The following SNTG1 variants were observed in gnomAD, a reference collection of about 807,000 sequenced individuals.
The protein encoded by SNTG1 is gamma-1-syntrophin.
SNTG1 carries 39 observed loss-of-function variants against 74.7 expected under a neutral mutation model. The observed-to-expected ratio is 0.52, with a 90% CI of 0.40 to 0.68. The LOEUF (loss-of-function observed/expected upper bound fraction) is 0.68. Ranked by LOEUF, SNTG1 falls within the 30% of genes least tolerant of loss-of-function variation. The probability of loss-of-function intolerance (pLI) is 0.00; values close to 1 mark genes in which losing one functional copy is unlikely to be tolerated. For missense variants in SNTG1, 685 were observed against 609.5 expected, an observed-to-expected ratio of 1.12 and a Z score of -1.30; for synonymous variants, 254 against 217.1, an observed-to-expected ratio of 1.17 and a Z score of -1.49.
intron 15 of SNTG1, among the ~76,000 whole-genome samples, chr8:50,683,618 G>T (rs975736010): frequency 6.6e-6 from 1 of 152,146 alleles, no homozygotes; most frequent in Non-Finnish European, 1.5e-5. Context: ...GTATACTAGG[G>T]TATATAAATA....
intron 1 of SNTG1, among the ~76,000 whole-genome samples, chr8:50,072,733 C>G (rs1821480015): frequency 1.3e-5 from 2 of 152,284 alleles, no homozygotes; most frequent in South Asian, 4.1e-4. Context: ...TTAATACAGG[C>G]ATACCTCAGG....
intron 1 of SNTG1, among the ~76,000 whole-genome samples, chr8:50,158,671 C>T (rs938245991): frequency 6.6e-6 from 1 of 152,044 alleles, no homozygotes; most frequent in African/African-American, 2.4e-5. Context: ...TGTAATCAAC[C>T]TTCCATTGCA....
intron 17 of SNTG1, among the ~76,000 whole-genome samples, chr8:50,749,448 GATAA>G (rs1299944864): frequency 6.6e-6 from 1 of 152,022 alleles, no homozygotes; most frequent in African/African-American, 2.4e-5. Flanking sequence ...TAAGATCATT[GATAA>G]AGGTGGCTAC....
chr8:50,545,048 G>A (rs984654073), intron 11 of SNTG1, among the ~76,000 whole-genome samples: 3 of 151,866 alleles, frequency 2.0e-5, no homozygotes, highest in African/African-American at 7.3e-5. Flanking sequence ...TGACTATTAT[G>A]TATAGTGCTG....
chr8:50,686,565 A>T (rs963794095), intron 15 of SNTG1, among the ~76,000 whole-genome samples: 1 of 152,128 alleles, frequency 6.6e-6, no homozygotes, highest in African/African-American at 2.4e-5. Flanking sequence ...ATTAATTTGT[A>T]TATATGAATA....
At chr8:50,094,294 C>T (rs1192210059) in intron 1 of SNTG1, among the ~76,000 whole-genome samples, 5 of 151,958 alleles carry the variant, frequency 3.3e-5, no homozygotes, top group Non-Finnish European at 7.4e-5. Context: ...AACAGGAAGG[C>T]TTACTTATTT....
intron 2 of SNTG1, among the ~76,000 whole-genome samples, chr8:50,297,583 C>T (rs1256743381): frequency 6.6e-6 from 1 of 152,080 alleles, no homozygotes; most frequent in African/African-American, 2.4e-5. Flanking sequence ...TTCAACAGTC[C>T]AGATGGCCCC....
chr8:50,081,342 G>A (rs1046182567), intron 1 of SNTG1, among the ~76,000 whole-genome samples: 1 of 152,088 alleles, frequency 6.6e-6, no homozygotes, highest in Admixed American at 6.5e-5. Context: ...CCTTTACCAA[G>A]TTTACTCACT....
At chr8:50,033,329 G>A (rs1312894519) in intron 1 of SNTG1, among the ~76,000 whole-genome samples, 2 of 152,144 alleles carry the variant, frequency 1.3e-5, no homozygotes, top group Non-Finnish European at 2.9e-5. Context: ...TCTCCATGTT[G>A]GTCAGGCTGG....
chr8:50,109,548 T>TATG (rs1422718008), intron 1 of SNTG1, among the ~76,000 whole-genome samples: 1 of 152,182 alleles, frequency 6.6e-6, no homozygotes, highest in Non-Finnish European at 1.5e-5. Context: ...CAAATGTTCA[T>TATG]ATGATATTAG....
At chr8:50,535,353 T>G (rs76720907) in intron 10 of SNTG1, among the ~76,000 whole-genome samples, 1 of 152,158 alleles carries the variant, frequency 6.6e-6, no homozygotes, top group East Asian at 1.9e-4. Flanking sequence ...TGATCCCATG[T>G]CATATGCTGA....
chr8:50,299,304 C>T (rs1004374046), intron 2 of SNTG1, among the ~76,000 whole-genome samples: 3 of 152,092 alleles, frequency 2.0e-5, no homozygotes, highest in Non-Finnish European at 4.4e-5. Flanking sequence ...ACCCTCCTGT[C>T]TCCTCTTTCT....
intron 16 of SNTG1, chr8:50,708,368 C>T (rs990923959): frequency 6.5e-6 from 1 of 153,630 alleles, no homozygotes; most frequent in Admixed American, 6.5e-5. Flanking sequence ...CAGAGTAAGA[C>T]TGTTAAGATC....
At chr8:50,695,763 G>T (rs545550663) in intron 15 of SNTG1, among the ~76,000 whole-genome samples, 28 of 151,542 alleles carry the variant, frequency 1.8e-4, no homozygotes, top group Non-Finnish European at 2.4e-4. Context: ...TAGGATAACG[G>T]CCTCCAGTTC....
chr8:50,225,073 C>G (rs1490885814), intron 2 of SNTG1, among the ~76,000 whole-genome samples: 1 of 152,060 alleles, frequency 6.6e-6, no homozygotes, highest in Non-Finnish European at 1.5e-5. Context: ...TGGGTTCACG[C>G]CATTCCCCTG....
intron 1 of SNTG1, among the ~76,000 whole-genome samples, chr8:50,104,089 G>A (rs537926893): frequency 6.6e-6 from 1 of 152,146 alleles, no homozygotes; most frequent in Non-Finnish European, 1.5e-5. Context: ...ATGAGTTAGG[G>A]AGGAGTCCCC....
intron 17 of SNTG1, among the ~76,000 whole-genome samples, chr8:50,727,339 ATC>A (rs1253445106): frequency 6.6e-6 from 1 of 152,190 alleles, no homozygotes; most frequent in Admixed American, 6.5e-5. Context: ...ATCAATTTTA[ATC>A]TCTATACAAG....
chr8:50,170,747 C>G (rs1429131093), intron 1 of SNTG1, among the ~76,000 whole-genome samples: 1 of 152,132 alleles, frequency 6.6e-6, no homozygotes, highest in Non-Finnish European at 1.5e-5. Flanking sequence ...GGGGTTCTAC[C>G]AAGCTTGTGT....
At chr8:49,945,095 T>A (rs532786939) in intron 1 of SNTG1, among the ~76,000 whole-genome samples, 3 of 152,336 alleles carry the variant, frequency 2.0e-5, no homozygotes, top group Non-Finnish European at 4.4e-5. Flanking sequence ...GCCATGTAAT[T>A]TTCTCCTGTG....
Sources: allele counts gnomAD v4.1 joint callset (sites outside exome capture counted in the v4.1 genomes callset), GRCh38; gene constraint gnomAD v4.1.1; transcripts MANE v1.5; gene names NCBI Gene and HGNC (gene_info 2026-07-23, HGNC 2026-07-21).